The following FBXL20 variants were observed in gnomAD, a reference collection of about 807,000 sequenced individuals.
FBXL20 encodes the protein F-box/LRR-repeat protein 20.
FBXL20 carries 11 observed loss-of-function variants against 64.0 expected under a neutral mutation model. The observed-to-expected ratio is 0.17, with a 90% confidence interval of 0.11 to 0.28. FBXL20 has a LOEUF of 0.28. FBXL20 is among the 10% of genes least tolerant of loss of function. The pLI is 1.00. For missense variants in FBXL20, 303 were observed against 526.2 expected, an observed-to-expected ratio of 0.58 and a Z score of 4.15; for synonymous variants, 184 against 189.0, an observed-to-expected ratio of 0.97 and a Z score of 0.22.
chr17:39,285,654 A>T, intron 6 of FBXL20, 81 bp from the exon 7 acceptor site: 3 of 839,470 alleles, frequency 3.6e-6, no homozygotes, highest in Non-Finnish European at 5.4e-6. Context: ...GTTCTTATTA[A>T]ACACATGTGT....
At chr17:39,320,964 T>A (rs901836105) in intron 2 of FBXL20, among the ~76,000 whole-genome samples, 6 of 152,152 alleles carry the variant, frequency 3.9e-5, no homozygotes, top group Non-Finnish European at 7.4e-5. Flanking sequence ...TTAATAAAAA[T>A]CTTTATTTCA....
At chr17:39,370,231 C>T (rs1002394144) in intron 1 of FBXL20, among the ~76,000 whole-genome samples, 2 of 152,000 alleles carry the variant, frequency 1.3e-5, no homozygotes, top group African/African-American at 4.8e-5. Context: ...TGCCTCACGC[C>T]TGTAATCCTA....
At chr17:39,373,358 T>C (rs1195286451) in intron 1 of FBXL20, among the ~76,000 whole-genome samples, 1 of 152,228 alleles carries the variant, frequency 6.6e-6, no homozygotes, top group Non-Finnish European at 1.5e-5. Context: ...GTGTTCTCCA[T>C]TTCTTCAGGG....
chr17:39,371,563 C>A (rs2047918633), intron 1 of FBXL20, among the ~76,000 whole-genome samples: 1 of 152,134 alleles, frequency 6.6e-6, no homozygotes, highest in East Asian at 1.9e-4. Flanking sequence ...ACTTAGCTAA[C>A]CCCATCCTCC....
chr17:39,299,645 A>G (rs753935840), intron 4 of FBXL20, among the ~76,000 whole-genome samples: 3 of 151,956 alleles, frequency 2.0e-5, no homozygotes, highest in African/African-American at 2.4e-5. Context: ...GCCGGGCGTG[A>G]TGGTGGGTGC....
intron 6 of FBXL20, 98 bp downstream of exon 6, chr17:39,297,029 A>G (rs773832264): frequency 2.5e-5 from 17 of 669,838 alleles, no homozygotes; most frequent in Non-Finnish European, 4.0e-5. Flanking sequence ...CAAAACCAAG[A>G]TAAAATTTGC....
chr17:39,391,580 T>C (rs1045822221), intron 1 of FBXL20, among the ~76,000 whole-genome samples: 6 of 152,068 alleles, frequency 3.9e-5, no homozygotes, highest in African/African-American at 1.4e-4. Flanking sequence ...ATTATAAGAG[T>C]ACATTTTGTT....
intron 2 of FBXL20, among the ~76,000 whole-genome samples, chr17:39,328,631 T>C (rs1289989877): frequency 6.6e-6 from 1 of 152,214 alleles, no homozygotes; most frequent in Non-Finnish European, 1.5e-5. Context: ...ACAATGGAAC[T>C]CCAACTAATA....
At chr17:39,308,928 T>C (rs950922936) in intron 2 of FBXL20, among the ~76,000 whole-genome samples, 1 of 152,146 alleles carries the variant, frequency 6.6e-6, no homozygotes, top group African/African-American at 2.4e-5. Context: ...ATTATAGGCA[T>C]AGCCTTGAGG....
intron 1 of FBXL20, among the ~76,000 whole-genome samples, chr17:39,399,170 G>C (rs576831602): frequency 4.6e-5 from 7 of 151,694 alleles, no homozygotes; most frequent in African/African-American, 1.7e-4. Flanking sequence ...TTTGAAATTA[G>C]CTATTATGTG....
intron 2 of FBXL20, among the ~76,000 whole-genome samples, chr17:39,320,000 C>T (rs569363978): frequency 2.0e-4 from 30 of 152,238 alleles, no homozygotes; most frequent in Middle Eastern, 3.4e-3. Flanking sequence ...AATATACATA[C>T]TGTAAAAAGT....
chr17:39,326,909 TCTCA>T (rs1446886583), intron 2 of FBXL20, among the ~76,000 whole-genome samples: 1 of 146,326 alleles, frequency 6.8e-6, no homozygotes, highest in Non-Finnish European at 1.5e-5. Flanking sequence ...TGAAACAGGA[TCTCA>T]CTCTGTCACG....
At chr17:39,282,680 A>T (rs779445146) in intron 8 of FBXL20, 49 bp downstream of exon 8, 1 of 1,613,176 alleles carries the variant, frequency 6.2e-7, no homozygotes, top group Non-Finnish European at 8.5e-7. Flanking sequence ...AGAGCTCATG[A>T]TTCATTCACG....
At chr17:39,402,419 A>G, upstream of FBXL20, 1 of 390,202 alleles carries the variant, frequency 2.6e-6, no homozygotes, top group Non-Finnish European at 4.5e-6. Context: ...GGTTGCGCTG[A>G]GCAACAGGCC....
intron 3 of FBXL20, among the ~76,000 whole-genome samples, chr17:39,302,180 C>T (rs1275300171): frequency 6.6e-6 from 1 of 151,948 alleles, no homozygotes; most frequent in Non-Finnish European, 1.5e-5. Context: ...TATTCTCACT[C>T]TCTTTTTCTA....
chr17:39,397,364 T>C (rs1372083303), intron 1 of FBXL20, among the ~76,000 whole-genome samples: 1 of 152,208 alleles, frequency 6.6e-6, no homozygotes, highest in African/African-American at 2.4e-5. Flanking sequence ...AATTGGAGCA[T>C]ATCACTTTCT....
At chr17:39,345,823 G>A (rs1230963126) in intron 1 of FBXL20, among the ~76,000 whole-genome samples, 4 of 152,140 alleles carry the variant, frequency 2.6e-5, no homozygotes, top group African/African-American at 9.7e-5. Context: ...TTACAGGTGT[G>A]AGCTACCACA....
chr17:39,363,177 A>T (rs189695736), intron 1 of FBXL20, among the ~76,000 whole-genome samples: 31 of 150,756 alleles, frequency 2.1e-4, no homozygotes, highest in African/African-American at 7.1e-4. Flanking sequence ...CACCCAGCTA[A>T]TTTTTTTTGT....
chr17:39,349,011 G>C (rs1271898596), intron 1 of FBXL20, among the ~76,000 whole-genome samples: 4 of 151,902 alleles, frequency 2.6e-5, no homozygotes, highest in Non-Finnish European at 5.9e-5. Context: ...CAGCACTTTG[G>C]GAGGCTGAGG....
Sources: allele counts gnomAD v4.1 joint callset (sites outside exome capture counted in the v4.1 genomes callset), GRCh38; gene constraint gnomAD v4.1.1; transcripts MANE v1.5; gene names NCBI Gene and HGNC (gene_info 2026-07-23, HGNC 2026-07-21).